Variants in ASCC3 observed in about 807,000 individuals in gnomAD.
ASCC3 encodes ASC-1 complex subunit P200.
A neutral mutation model predicts 256.3 loss-of-function variants in ASCC3; 158 were observed. The observed-to-expected ratio is 0.62, with a 90% confidence interval of 0.54 to 0.70. The LOEUF is 0.70. Ranked by LOEUF, ASCC3 falls within the 30% of genes least tolerant of loss-of-function variation. The pLI is 0.00. For missense variants in ASCC3, 2,259 were observed against 2,626.0 expected (o/e 0.86, Z 3.05); for synonymous variants, 948 against 883.4 (o/e 1.07, Z -1.30).
intron 30 of ASCC3, among the ~76,000 whole-genome samples, chr6:100,620,588 A>C (rs1005694772): frequency 3.3e-5 from 5 of 152,130 alleles, no homozygotes; most frequent in African/African-American, 1.2e-4. Context: ...AAATATCTAT[A>C]GACAGTTCTT....
chr6:100,707,260 A>C (rs1259518644), intron 13 of ASCC3, among the ~76,000 whole-genome samples: 1 of 152,148 alleles, frequency 6.6e-6, no homozygotes, highest in Non-Finnish European at 1.5e-5. Context: ...GAACTGATTA[A>C]AAATTTTAAA....
intron 33 of ASCC3, among the ~76,000 whole-genome samples, chr6:100,605,360 CTG>C (rs377139751): frequency 6.6e-6 from 1 of 152,218 alleles, no homozygotes; most frequent in Non-Finnish European, 1.5e-5. Flanking sequence ...CGTCTGAACA[CTG>C]TACTATACTG....
intron 3 of ASCC3, 59 bp from the exon 4 acceptor site, chr6:100,848,766 C>T: frequency 1.3e-6 from 2 of 1,547,920 alleles, no homozygotes; most frequent in South Asian, 2.2e-5. Flanking sequence ...AAGTTACGAT[C>T]TTCCAAAAAA....
intron 36 of ASCC3, among the ~76,000 whole-genome samples, chr6:100,573,327 T>C (rs969496070): frequency 1.3e-5 from 2 of 152,104 alleles, no homozygotes; most frequent in African/African-American, 2.4e-5. Context: ...TTGGAAACAG[T>C]TGTAATCACC....
intron 36 of ASCC3, among the ~76,000 whole-genome samples, chr6:100,543,739 C>T (rs1775576563): frequency 6.6e-6 from 1 of 151,564 alleles, no homozygotes. Context: ...CATGGAGAAA[C>T]AGAAAAAAAA....
At chr6:100,610,909 C>T (rs374079597) in intron 30 of ASCC3, among the ~76,000 whole-genome samples, 2 of 152,180 alleles carry the variant, frequency 1.3e-5, no homozygotes, top group African/African-American at 2.4e-5. Flanking sequence ...CTACAAGGAA[C>T]TAATTCACTG....
At chr6:100,532,051 T>C (rs375710351) in intron 37 of ASCC3, among the ~76,000 whole-genome samples, 4 of 151,712 alleles carry the variant, frequency 2.6e-5, no homozygotes, top group African/African-American at 7.3e-5. Flanking sequence ...TATAAGAAGA[T>C]AGTAGGAGTT....
intron 36 of ASCC3, among the ~76,000 whole-genome samples, chr6:100,553,397 T>C (rs1359887759): frequency 1.3e-5 from 2 of 152,066 alleles, no homozygotes; most frequent in Non-Finnish European, 2.9e-5. Flanking sequence ...CTACATCATG[T>C]AGGTAATTAG....
intron 25 of ASCC3, among the ~76,000 whole-genome samples, chr6:100,635,330 C>T (rs144677352): frequency 4.6e-5 from 7 of 151,976 alleles, no homozygotes; most frequent in East Asian, 3.9e-4. Context: ...AAGTGAAATA[C>T]GCCAGACATA....
intron 36 of ASCC3, among the ~76,000 whole-genome samples, chr6:100,546,367 G>A (rs573761291): frequency 6.6e-6 from 1 of 152,242 alleles, no homozygotes; most frequent in East Asian, 1.9e-4. Context: ...AAATTGACAA[G>A]TTGATTCTAA....
At chr6:100,680,449 C>T (rs2114965833) in intron 13 of ASCC3, among the ~76,000 whole-genome samples, 1 of 152,310 alleles carries the variant, frequency 6.6e-6, no homozygotes, top group South Asian at 2.1e-4. Context: ...CCTGTCAGTA[C>T]CTGCCTTCTT....
chr6:100,558,955 A>G (rs1255534114), intron 36 of ASCC3, among the ~76,000 whole-genome samples: 1 of 152,116 alleles, frequency 6.6e-6, no homozygotes, highest in Admixed American at 6.5e-5. Context: ...TCTCTTCTTG[A>G]GATATACATT....
At chr6:100,647,051 C>T (rs1390742603) in intron 21 of ASCC3, among the ~76,000 whole-genome samples, 175 bp downstream of exon 21, 1 of 152,072 alleles carries the variant, frequency 6.6e-6, no homozygotes, top group Admixed American at 6.6e-5. Flanking sequence ...TATAAACAGA[C>T]TCACTTGAAT....
chr6:100,625,853 T>C (rs920423919), intron 29 of ASCC3, among the ~76,000 whole-genome samples: 3 of 152,060 alleles, frequency 2.0e-5, no homozygotes, highest in African/African-American at 7.2e-5. Context: ...AGGAGAAGTT[T>C]GTACCAGTAA....
In ASCC3 at chr6:100,802,756, T is replaced by C. The variant is rs188780464; in HGVS notation, c.923-2252A>G. ...GGCTCACACCTGTAATCTAAACACT[T>C]TGGGGGGCTGAGGTGGGAGGACTGC... On this transcript the variant is annotated intron_variant, in intron 5 of 41. Transcript: ENST00000369162. Among the ~76,000 whole-genome samples the C allele has an allele frequency of 6.3e-3, 959 of 152,012 alleles. 7 individuals are homozygous for C. Among genetic ancestry groups the C allele is most frequent in the Non-Finnish European group, 8.1e-3 (553 of 67,970 alleles).
At chr6:100,552,545 T>A (rs1501356) in intron 36 of ASCC3, among the ~76,000 whole-genome samples, 1 of 152,036 alleles carries the variant, frequency 6.6e-6, no homozygotes, top group Non-Finnish European at 1.5e-5. Context: ...GCAGATTTGA[T>A]ACTGTGAGCT....
intron 3 of ASCC3, among the ~76,000 whole-genome samples, chr6:100,855,286 T>C (rs894092113): frequency 3.9e-5 from 6 of 152,046 alleles, no homozygotes; most frequent in African/African-American, 1.4e-4. Context: ...GCTAATTGTT[T>C]TTGTATTTTT....
chr6:100,634,469 A>G (rs1393863890), intron 25 of ASCC3, among the ~76,000 whole-genome samples: 1 of 152,130 alleles, frequency 6.6e-6, no homozygotes, highest in East Asian at 1.9e-4. Context: ...GGAATGTATC[A>G]CCTGAGGATA....
At chr6:100,637,559 T>C (rs1349878176) in intron 25 of ASCC3, among the ~76,000 whole-genome samples, 1 of 152,152 alleles carries the variant, frequency 6.6e-6, no homozygotes, top group Non-Finnish European at 1.5e-5. Context: ...AGACCGTAGA[T>C]AGTGATTCCT....
Sources: gnomAD v4.1 joint callset for allele counts (sites outside exome capture counted in the v4.1 genomes callset) on GRCh38, gnomAD v4.1.1 for gene constraint, MANE v1.5 for transcripts, NCBI Gene and HGNC (gene_info 2026-07-23, HGNC 2026-07-21) for gene names.